Variants in EPSTI1 observed in about 807,000 individuals in gnomAD.
EPSTI1 encodes the protein epithelial stromal interaction 1.
In EPSTI1, 66 loss-of-function variants were observed where a neutral mutation model predicts 49.9. The ratio of observed to expected loss-of-function variants is 1.32; its 90% CI spans 1.08 to 1.62. The LOEUF (loss-of-function observed/expected upper bound fraction) is 1.62, where lower values mean the gene tolerates loss of function less well. EPSTI1 is among the 40% of genes most tolerant of loss of function. The probability of loss-of-function intolerance (pLI) is 0.00; values close to 1 mark genes in which losing one functional copy is unlikely to be tolerated. For missense variants in EPSTI1, 394 were observed against 365.5 expected (o/e 1.08, Z -0.64); for synonymous variants, 137 against 130.7 (o/e 1.05, Z -0.33).
At chr13:42,975,620 T>C (rs1424787368) in intron 1 of EPSTI1, among the ~76,000 whole-genome samples, 1 of 152,078 alleles carries the variant, frequency 6.6e-6, no homozygotes, top group Non-Finnish European at 1.5e-5. Flanking sequence ...TCATGCAAAC[T>C]AGAAAAAAAG....
intron 8 of EPSTI1, among the ~76,000 whole-genome samples, chr13:42,904,945 G>A (rs1031699250): frequency 6.6e-6 from 1 of 152,114 alleles, no homozygotes; most frequent in Admixed American, 6.5e-5. Flanking sequence ...GCAAGAAAAG[G>A]ATGCTTTACT....
At chr13:42,890,440 G>C (rs964349914) in intron 10 of EPSTI1, among the ~76,000 whole-genome samples, 1 of 151,854 alleles carries the variant, frequency 6.6e-6, no homozygotes, top group Non-Finnish European at 1.5e-5. Context: ...TGGGACTACA[G>C]GAGCCCGCCA....
intron 1 of EPSTI1, among the ~76,000 whole-genome samples, chr13:42,978,615 A>T (rs890127132): frequency 6.6e-6 from 1 of 152,210 alleles, no homozygotes; most frequent in African/African-American, 2.4e-5. Flanking sequence ...AATGCCAGAA[A>T]ATAACAAATA....
intron 9 of EPSTI1, among the ~76,000 whole-genome samples, chr13:42,898,497 G>A (rs2037260027): frequency 6.6e-6 from 1 of 152,124 alleles, no homozygotes; most frequent in Non-Finnish European, 1.5e-5. Context: ...ACTAATTACT[G>A]AGTTTATTAT....
chr13:42,941,096 G>A (rs944953146), intron 6 of EPSTI1, among the ~76,000 whole-genome samples: 1 of 151,750 alleles, frequency 6.6e-6, no homozygotes, highest in Admixed American at 6.6e-5. Flanking sequence ...TCTCTTTATG[G>A]CTTCTGAGAT....
rs1228035486 is a variant in EPSTI1, at chr13:42,960,436, T to A, written c.489+2819A>T. Among the ~76,000 whole-genome samples the A allele has an allele frequency of 2.6e-5, 4 of 152,224 alleles. No homozygotes were observed. In the South Asian group the frequency reaches 8.3e-4, roughly 32 times the overall value. On this transcript the variant is annotated intron_variant, in intron 5 of 10. Coordinates refer to ENST00000313624, the MANE Select transcript of EPSTI1 (RefSeq NM_033255.5). ...GAACCAGTGGCAAAACACTTGCATC[T>A]GGTAGACTGCTTTTTTACTCTAATG...
chr13:42,942,393 A>G (rs1352946745), intron 6 of EPSTI1, among the ~76,000 whole-genome samples: 1 of 152,084 alleles, frequency 6.6e-6, no homozygotes, highest in Non-Finnish European at 1.5e-5. Flanking sequence ...TTGTAAAGGC[A>G]GAAATTGACG....
chr13:42,930,542 C>T (rs57404094), intron 6 of EPSTI1, among the ~76,000 whole-genome samples: 24,927 of 152,038 alleles, frequency 0.16, 2,129 homozygotes, highest in South Asian at 0.23. Flanking sequence ...ACAAGATTTA[C>T]AAAACAAAAC....
intron 5 of EPSTI1, among the ~76,000 whole-genome samples, chr13:42,960,385 G>A (rs2039411976): frequency 6.6e-6 from 1 of 152,166 alleles, no homozygotes; most frequent in African/African-American, 2.4e-5. Context: ...TGGGGAGTTA[G>A]GAAAACCTGT....
rs1376964105 is a variant in EPSTI1 at position 42,966,749 on chromosome 13, C to T, written c.331+2345G>A. 1.3e-3 allele frequency among the ~76,000 whole-genome samples: 108 copies of T among 85,348 alleles called. 32 individuals are homozygous for T. The South Asian group carries it at 0.017, about 13-fold the overall frequency. The allele number at this position is 85,348 out of a possible 152,430, so 56.0% of individuals were successfully genotyped here. A position where few individuals can be genotyped will look rare whatever the true frequency, so the allele number is the denominator to read the frequency against. The stretch of plus-strand genomic sequence containing the variant: ...CCGTCCGGGAGGTGAGGGGCGCCTC[C>T]GCCCGGCCACCACCCCGTCTGGGAG... On this transcript the variant is annotated intron_variant, in intron 3 of 10. Coordinates refer to ENST00000313624, the MANE Select transcript of EPSTI1 (RefSeq NM_033255.5).
intron 6 of EPSTI1, among the ~76,000 whole-genome samples, chr13:42,949,382 G>A (rs999012038): frequency 1.3e-5 from 2 of 152,118 alleles, no homozygotes; most frequent in Non-Finnish European, 2.9e-5. Flanking sequence ...ATGAGGTCAG[G>A]AGTTCAAGAC....
At chr13:42,982,322 C>T (rs924633206) in intron 1 of EPSTI1, among the ~76,000 whole-genome samples, 6 of 152,162 alleles carry the variant, frequency 3.9e-5, no homozygotes, top group Non-Finnish European at 7.3e-5. Flanking sequence ...CCTAGATGGT[C>T]TAAAGAGGGG....
chr13:42,987,002 C>T (rs1004809870), intron 1 of EPSTI1, among the ~76,000 whole-genome samples: 10 of 152,150 alleles, frequency 6.6e-5, no homozygotes, highest in African/African-American at 2.4e-4. Flanking sequence ...AGATGCCTTA[C>T]GCATCTCTTC....
At chr13:42,980,701 G>A (rs1043979992) in intron 1 of EPSTI1, among the ~76,000 whole-genome samples, 1 of 152,090 alleles carries the variant, frequency 6.6e-6, no homozygotes, top group Non-Finnish European at 1.5e-5. Flanking sequence ...AGGCATCATG[G>A]CCCTAGGTTT....
Position 42,963,355 on chromosome 13 carries a change from T to C in EPSTI1, c.406-17A>G, listed in dbSNP as rs200780758. On this transcript the variant is annotated splice_polypyrimidine_tract_variant and intron_variant, in intron 4 of 10. Transcript: ENST00000313624. ...TCTTTTTAGCTAAATTGTATTGAAA[T>C]TACAGAGAACAAAAACAGTTACCAT... 2.4e-5 allele frequency: 38 copies of C among 1,587,464 alleles called. No individual in the cohort carries two copies. In the African/African-American group the frequency reaches 4.9e-4, roughly 20 times the overall value.
At chr13:42,957,938 T>C (rs1029652851) in intron 5 of EPSTI1, among the ~76,000 whole-genome samples, 8 of 152,220 alleles carry the variant, frequency 5.3e-5, no homozygotes. Context: ...CTGGGATCTT[T>C]TCTTTCTTTC....
intron 6 of EPSTI1, among the ~76,000 whole-genome samples, chr13:42,943,795 G>A (rs557467672): frequency 7.2e-5 from 11 of 152,140 alleles, no homozygotes; most frequent in Middle Eastern, 3.4e-3. Context: ...CTAATAACCA[G>A]AATCTACAAA....
At chr13:42,991,931 T>C in intron 1 of EPSTI1, 47 bp downstream of exon 1, 2 of 1,609,156 alleles carry the variant, frequency 1.2e-6, no homozygotes, top group East Asian at 2.2e-5. Context: ...GTGAGTATGT[T>C]TGGGGCCCGG....
At chr13:42,906,715 G>A (rs2037509926) in intron 8 of EPSTI1, among the ~76,000 whole-genome samples, 1 of 152,192 alleles carries the variant, frequency 6.6e-6, no homozygotes, top group Non-Finnish European at 1.5e-5. Context: ...AGAATGGGGA[G>A]AAAAGGCAGA....
Sources: allele counts gnomAD v4.1 joint callset (sites outside exome capture counted in the v4.1 genomes callset), GRCh38; gene constraint gnomAD v4.1.1; transcripts MANE v1.5; gene names NCBI Gene and HGNC (gene_info 2026-07-23, HGNC 2026-07-21).